The following KIF16B variants were observed in gnomAD, a reference collection of about 807,000 sequenced individuals.
KIF16B encodes kinesin family member 16B, also known as kinesin-like protein KIF16B.
Under a neutral mutation model 156.3 loss-of-function variants are expected in KIF16B, and 98 were observed. The ratio of observed to expected loss-of-function variants is 0.63; its 90% CI spans 0.53 to 0.74. The LOEUF (loss-of-function observed/expected upper bound fraction) is 0.74, where lower values mean the gene tolerates loss of function less well. Among genes scored for constraint, KIF16B ranks in the 30% least tolerant of loss-of-function variants. KIF16B has a pLI of 0.00. For synonymous variants in KIF16B, 564 were observed against 583.7 expected (o/e 0.97, Z 0.49); for missense variants, 1,421 against 1,606.5 (o/e 0.88, Z 1.97).
chr20:16,375,623 G>A (rs972813751), intron 19 of KIF16B, among the ~76,000 whole-genome samples: 2 of 150,294 alleles, frequency 1.3e-5, no homozygotes, highest in African/African-American at 4.9e-5. Context: ...AAAAAATGAT[G>A]TCAGAGGCCT....
At position 16,504,428 on chromosome 20, in the gene KIF16B, G is replaced by A. The variant is rs765113670; in HGVS notation, c.1120C>T (p.Arg374Cys). ...CTGGCTATTTCAGCTCGCAGCTCAC[G>A]GATAAGTTTGACGTTGGCATCCTCA... ...INEDANVKLI[R>C]ELRAEIARLK... Residue 374 changes from arginine (R) to cysteine (C), a missense_variant, in exon 10 of 26, where the codon CGT (arginine) becomes TGT (cysteine). Coordinates refer to ENST00000354981, the MANE Select transcript of KIF16B (RefSeq NM_024704.5). 3.1e-6 allele frequency: 5 copies of A among 1,614,070 alleles called. No individual in the cohort carries two copies. Among genetic ancestry groups the A allele is most frequent in the East Asian group, 2.2e-5 (1 of 44,876 alleles).
At chr20:16,369,161 C>T (rs759444522) in intron 22 of KIF16B, 32 of 985,658 alleles carry the variant, frequency 3.2e-5, no homozygotes, top group Non-Finnish European at 3.9e-5. Flanking sequence ...TCCCAGTGGT[C>T]GTTCTGATCC....
Position 16,359,553 on chromosome 20 carries a change from T to C in KIF16B, c.3499-3101A>G, listed in dbSNP as rs1286847467. Among the ~76,000 whole-genome samples, 3 of 148,160 alleles carry C rather than the reference T, an allele frequency of 2.0e-5. 1 individual carries two copies. The highest frequency in any genetic ancestry group is 4.4e-5 in the Non-Finnish European group (3 of 67,718). On this transcript the variant is annotated intron_variant, in intron 22 of 25. Coordinates refer to ENST00000354981, the MANE Select transcript of KIF16B (RefSeq NM_024704.5). ...TATTTATAGCAAGGCAAGAACAGAC[T>C]AATACAACTGCAGAGTTCTCCATTT... is the stretch of plus-strand genomic sequence containing the variant.
intron 1 of KIF16B, among the ~76,000 whole-genome samples, chr20:16,561,195 G>A (rs1030817756): frequency 2.6e-5 from 4 of 152,152 alleles, no homozygotes; most frequent in African/African-American, 9.7e-5. Context: ...TCAAGAGGCT[G>A]AGGCATAAGA....
chr20:16,514,862 G>A (rs1466867454), intron 4 of KIF16B, among the ~76,000 whole-genome samples: 14 of 137,700 alleles, frequency 1.0e-4, no homozygotes, highest in Non-Finnish European at 1.8e-4. Context: ...CTCTAGCCTG[G>A]GCGACGGAGT....
chr20:16,462,928 T>C (rs2067387329), intron 12 of KIF16B, among the ~76,000 whole-genome samples: 1 of 152,208 alleles, frequency 6.6e-6, no homozygotes. Flanking sequence ...AACATGGTGC[T>C]GGCCAGGCAG....
chr20:16,426,974 A>C, intron 15 of KIF16B, 130 bp downstream of exon 15: 1 of 710,350 alleles, frequency 1.4e-6, no homozygotes. Flanking sequence ...AGCCTATTGA[A>C]GCAAACAGTC....
At chr20:16,320,076 T>C (rs2063752164) in intron 24 of KIF16B, among the ~76,000 whole-genome samples, 1 of 152,112 alleles carries the variant, frequency 6.6e-6, no homozygotes, top group Non-Finnish European at 1.5e-5. Flanking sequence ...TAACAGGGAT[T>C]ACAGCTGAAA....
chr20:16,371,674 G>C lies in KIF16B; in HGVS notation c.3438C>G (p.Asp1146Glu). 6.2e-7 allele frequency: 1 copy of C among 1,608,888 alleles called. No individual in the cohort carries two copies. Reference sequence around the variant, plus strand: ...GGCTCCTTCAGCTTACCTTCATCGTGTCTGCAGATGTACTGCAGCCTTCAC... The same window carrying C: ...GGCTCCTTCAGCTTACCTTCATCGTCTCTGCAGATGTACTGCAGCCTTCAC... ...VISEGCSTSADTMKDNEKLHN... is the reference protein window; with the variant it reads ...VISEGCSTSAETMKDNEKLHN... Residue 1146 changes from aspartate (D) to glutamate (E), a missense_variant, in exon 21 of 26, where the codon GAC (aspartate) becomes GAG (glutamate). Asp to Glu is a conservative substitution (Grantham distance 45, BLOSUM62 2). Coordinates refer to ENST00000354981, the MANE Select transcript of KIF16B (RefSeq NM_024704.5).
At chr20:16,569,395 A>G (rs984490535) in intron 1 of KIF16B, among the ~76,000 whole-genome samples, 2 of 152,348 alleles carry the variant, frequency 1.3e-5, no homozygotes, top group East Asian at 1.9e-4. Context: ...TCAAGTCTCA[A>G]TAAAGGTGGC....
At chr20:16,391,594 G>A (rs765114369) in intron 17 of KIF16B, among the ~76,000 whole-genome samples, 1 of 152,200 alleles carries the variant, frequency 6.6e-6, no homozygotes, top group Non-Finnish European at 1.5e-5. Context: ...GGAAGGGAGT[G>A]GCCATGAAGA....
intron 25 of KIF16B, among the ~76,000 whole-genome samples, chr20:16,280,022 T>C (rs959834459): frequency 6.6e-6 from 1 of 152,254 alleles, no homozygotes. Flanking sequence ...CTATTCCATT[T>C]AGACATTCTT....
At position 16,406,383 on chromosome 20, in the gene KIF16B, C is replaced by T. The variant is rs752250582; in HGVS notation, c.1686G>A (p.Glu562=). 7 of 1,613,524 alleles carry T rather than the reference C, an allele frequency of 4.3e-6. No homozygotes were observed. The highest frequency in any genetic ancestry group is 5.1e-6 in the Non-Finnish European group (6 of 1,179,566). ...ACGCCGTGTCCCTCACCTTCCTCTTCTCCCTGAGCTTGGCGGCTTCCTTTG... is the reference window on the plus strand; with the variant it reads ...ACGCCGTGTCCCTCACCTTCCTCTTTTCCCTGAGCTTGGCGGCTTCCTTTG... ...NHPKEAAKLR[E]KRKSGLLSSF... is the part of the protein sequence containing the mutation. The change falls in exon 16 of 26, where the codon GAG becomes GAA. Residue 562 remains glutamate, a synonymous_variant. Transcript: ENST00000354981.
At chr20:16,412,680 G>C (rs1396300062) in intron 15 of KIF16B, among the ~76,000 whole-genome samples, 1 of 151,938 alleles carries the variant, frequency 6.6e-6, no homozygotes, top group African/African-American at 2.4e-5. Context: ...AGCAGAATGG[G>C]GGTAACCACC....
Position 16,507,953 on chromosome 20 carries a change from C to T in KIF16B, c.699+5G>A, listed in dbSNP as rs1451180134. 6.2e-7 allele frequency: 1 copy of T among 1,614,076 alleles called. No individual in the cohort carries two copies. The highest frequency in any genetic ancestry group is 1.7e-5 in the Admixed American group (1 of 60,024). ...GGAGCCAGCTGGTCCCGCAGCAGCC[C>T]TTACCTGAGTGAACTTGATGGTGAA... On this transcript the variant is annotated splice_donor_5th_base_variant and intron_variant, in intron 7 of 25. Coordinates refer to ENST00000354981, the MANE Select transcript of KIF16B (RefSeq NM_024704.5).
chr20:16,505,789 C>T lies in KIF16B; in HGVS notation c.933G>A (p.Arg311=), dbSNP rs1412506850. The part of the protein sequence containing the change: ...AKKKQVFVPY[R]DSVLTWLLKD... ...TTAACAACCAAGTCAACACAGAATC[C>T]CTGTAAGGCACGAAAACTTGCTTCT... The change falls in exon 9 of 26, where the codon AGG becomes AGA. Residue 311 remains arginine (R), a synonymous_variant. Transcript: ENST00000354981. 5.0e-6 allele frequency: 8 copies of T among 1,613,592 alleles called. No homozygotes were observed. The highest frequency in any genetic ancestry group is 6.8e-6 in the Non-Finnish European group (8 of 1,179,746).
chr20:16,304,138 C>T (rs1290167890), intron 25 of KIF16B, among the ~76,000 whole-genome samples: 2 of 152,126 alleles, frequency 1.3e-5, no homozygotes, highest in African/African-American at 4.8e-5. Context: ...AGGGAGTCCT[C>T]CCTTTTCTCC....
intron 12 of KIF16B, among the ~76,000 whole-genome samples, chr20:16,479,948 A>G (rs1236760300): frequency 1.3e-5 from 2 of 152,216 alleles, no homozygotes; most frequent in Non-Finnish European, 2.9e-5. Context: ...ACTAAACAAC[A>G]CTAAGCTTTC....
At chr20:16,411,971 T>TGTGTGTGTGTGA (rs1191802935) in intron 15 of KIF16B, among the ~76,000 whole-genome samples, 1 of 149,596 alleles carries the variant, frequency 6.7e-6, no homozygotes, top group African/African-American at 2.5e-5. Flanking sequence ...TGTGTGTGTG[T>TGTGTGTGTGTGA]GACTCATTGC....
Sources: allele counts gnomAD v4.1 joint callset (sites outside exome capture counted in the v4.1 genomes callset), GRCh38; gene constraint gnomAD v4.1.1; transcripts MANE v1.5; gene names NCBI Gene and HGNC (gene_info 2026-07-23, HGNC 2026-07-21).